RNF38: variants seen among roughly 807,000 people sequenced by gnomAD.
RNF38 encodes E3 ubiquitin-protein ligase RNF38.
Under a neutral mutation model 67.2 loss-of-function variants are expected in RNF38, and 15 were observed. The ratio of observed to expected loss-of-function variants is 0.22; its 90% confidence interval spans 0.15 to 0.34. RNF38 has a LOEUF of 0.34. Ranked by LOEUF, RNF38 falls within the 10% of genes least tolerant of loss-of-function variation. The pLI is 1.00. For synonymous variants in RNF38, 220 were observed against 218.8 expected, an observed-to-expected ratio of 1.01 and a Z score of -0.05; for missense variants, 524 against 639.9, an observed-to-expected ratio of 0.82 and a Z score of 1.95.
chr9:36,449,637 G>T (rs948576566), intron 1 of RNF38, among the ~76,000 whole-genome samples: 2 of 152,042 alleles, frequency 1.3e-5, no homozygotes, highest in African/African-American at 2.4e-5. Context: ...GGGTTTCACC[G>T]TGTTAGCCAG....
At chr9:36,411,945 C>T (rs371616190) in intron 2 of RNF38, among the ~76,000 whole-genome samples, 18 of 152,128 alleles carry the variant, frequency 1.2e-4, no homozygotes, top group African/African-American at 4.3e-4. Context: ...CCTTGAGGAC[C>T]TGCTAACTGA....
intron 1 of RNF38, among the ~76,000 whole-genome samples, chr9:36,475,381 C>T (rs1333261701): frequency 6.6e-6 from 1 of 151,756 alleles, no homozygotes; most frequent in Non-Finnish European, 1.5e-5. Context: ...GTGTGTAAGA[C>T]AGAGTCTCCC....
chr9:36,372,681 A>G, intron 3 of RNF38: 1 of 566,608 alleles, frequency 1.8e-6, no homozygotes, highest in Non-Finnish European at 3.2e-6. Flanking sequence ...AGGGTGGTAA[A>G]TACTCTCTAC....
intron 2 of RNF38, among the ~76,000 whole-genome samples, chr9:36,416,166 C>A (rs892572784): frequency 2.9e-4 from 29 of 98,774 alleles, no homozygotes; most frequent in African/African-American, 1.1e-3. Context: ...TTGGGCGGGG[C>A]TTGCTGTGGC....
intron 1 of RNF38, among the ~76,000 whole-genome samples, chr9:36,477,833 AAAAG>A (rs750284166): frequency 6.8e-6 from 1 of 147,346 alleles, no homozygotes; most frequent in African/African-American, 2.6e-5. Context: ...AAAAAAAAAA[AAAAG>A]AAAGAAAAAA....
chr9:36,408,605 A>T (rs1838241193), intron 2 of RNF38, among the ~76,000 whole-genome samples: 1 of 152,168 alleles, frequency 6.6e-6, no homozygotes, highest in Admixed American at 6.5e-5. Context: ...ATAATCTAGG[A>T]GCTGGGCCTA....
chr9:36,368,089 G>C (rs1411525907), intron 4 of RNF38, among the ~76,000 whole-genome samples: 1 of 152,180 alleles, frequency 6.6e-6, no homozygotes, highest in East Asian at 1.9e-4. Context: ...CTGGGCCTCA[G>C]GTGATCCGCC....
intron 1 of RNF38, among the ~76,000 whole-genome samples, chr9:36,463,847 T>C (rs1374286587): frequency 1.3e-5 from 2 of 152,200 alleles, no homozygotes; most frequent in African/African-American, 4.8e-5. Context: ...CTTACTCTTT[T>C]GTCCTCAGAA....
rs1274941981 is a variant in RNF38, at chr9:36,376,021, G to A, written c.269C>T (p.Thr90Ile). The A allele has an allele frequency of 6.2e-7, 1 of 1,613,286 alleles. No homozygotes were observed. Among genetic ancestry groups the A allele is most frequent in the Non-Finnish European group, 8.5e-7 (1 of 1,179,742 alleles). Residue 90 changes from threonine to isoleucine, a missense_variant, in exon 3 of 12, where the codon ACA becomes ATA. Transcript: ENST00000259605. Reference protein sequence around the residue: ...PSPPMRPWEMTSNRQPPSVRP... With the variant: ...PSPPMRPWEMISNRQPPSVRP... ...AACTGAAGGGGGCTGCCTATTTGAT[G>A]TCATCTCCCATGGTCGCATTGGTGG...
intron 1 of RNF38, among the ~76,000 whole-genome samples, chr9:36,459,785 A>G (rs1454564993): frequency 6.6e-6 from 1 of 152,056 alleles, no homozygotes; most frequent in Non-Finnish European, 1.5e-5. Flanking sequence ...TCCATCTTCT[A>G]CTGTCATGTA....
At position 36,438,035 on chromosome 9, in the gene RNF38, T is replaced by C. The variant is rs562941408; in HGVS notation, n.242-13352A>G. 3.3e-5 allele frequency among the ~76,000 whole-genome samples: 5 copies of C among 152,288 alleles called. No homozygotes were observed. The East Asian group carries it at 9.6e-4, about 29-fold the overall frequency. On this transcript the variant is annotated intron_variant and non_coding_transcript_variant, in intron 1 of 3. Coordinates refer to the RNF38 transcript ENST00000488058. ...ATCACAGCTCACTGCAGCCTCAACCTCCTGGGCTCAGTCTTCCAGCCTCAG... is the reference window on the plus strand; with the variant it reads ...ATCACAGCTCACTGCAGCCTCAACCCCCTGGGCTCAGTCTTCCAGCCTCAG...
intron 1 of RNF38, among the ~76,000 whole-genome samples, chr9:36,450,312 T>C (rs1363200501): frequency 6.6e-6 from 1 of 152,142 alleles, no homozygotes; most frequent in Non-Finnish European, 1.5e-5. Context: ...ACTTTTAAAC[T>C]GTAATATGCT....
chr9:36,344,673 TAA>T (rs1833091459), intron 10 of RNF38, among the ~76,000 whole-genome samples, 157 bp downstream of exon 10: 1 of 152,222 alleles, frequency 6.6e-6, no homozygotes, highest in South Asian at 2.1e-4. Flanking sequence ...GACTATGAAA[TAA>T]AGATAACTTA....
At chr9:36,479,687 T>C (rs770218965) in intron 1 of RNF38, among the ~76,000 whole-genome samples, 12 of 152,062 alleles carry the variant, frequency 7.9e-5, no homozygotes, top group Non-Finnish European at 1.5e-4. Flanking sequence ...TGGCACTCAG[T>C]AGATGCTCAA....
At chr9:36,380,736 C>G (rs1240711467) in intron 2 of RNF38, among the ~76,000 whole-genome samples, 2 of 151,574 alleles carry the variant, frequency 1.3e-5, no homozygotes, top group Non-Finnish European at 2.9e-5. Flanking sequence ...TCAAGCAATC[C>G]TTCCACCTCG....
intron 1 of RNF38, among the ~76,000 whole-genome samples, chr9:36,482,947 G>A (rs894915920): frequency 6.6e-6 from 1 of 152,184 alleles, no homozygotes; most frequent in Non-Finnish European, 1.5e-5. Context: ...TAGAAAAGGT[G>A]CCCCTTCTCT....
At chr9:36,466,774 T>C (rs1327399757) in intron 1 of RNF38, among the ~76,000 whole-genome samples, 3 of 152,126 alleles carry the variant, frequency 2.0e-5, no homozygotes, top group Non-Finnish European at 4.4e-5. Context: ...AGGATTCAAA[T>C]AAAGGAACTT....
chr9:36,347,354 A>T (rs1056862172), intron 9 of RNF38, among the ~76,000 whole-genome samples: 2 of 152,142 alleles, frequency 1.3e-5, no homozygotes, highest in Non-Finnish European at 2.9e-5. Context: ...TGCCACAGAT[A>T]CGACCTTTTT....
upstream of RNF38, among the ~76,000 whole-genome samples, chr9:36,401,985 G>A (rs1838053344): frequency 6.6e-6 from 1 of 152,102 alleles, no homozygotes; most frequent in East Asian, 1.9e-4. Flanking sequence ...GGACCTTCTG[G>A]ACCTTGGACA....
Sources: gnomAD v4.1 joint callset for allele counts (sites outside exome capture counted in the v4.1 genomes callset) on GRCh38, gnomAD v4.1.1 for gene constraint, MANE v1.5 for transcripts, NCBI Gene and HGNC (gene_info 2026-07-23, HGNC 2026-07-21) for gene names.